FUT8: variants seen among roughly 807,000 people sequenced by gnomAD.
FUT8 encodes fucosyltransferase 8, also known as alpha-(1,6)-fucosyltransferase.
Under a neutral mutation model 71.3 loss-of-function variants are expected in FUT8, and 29 were observed. The observed-to-expected ratio is 0.41, with a 90% CI of 0.30 to 0.55. FUT8 has a LOEUF of 0.55. FUT8 is among the 20% of genes least tolerant of loss of function. The pLI is 0.34. For synonymous variants in FUT8, 254 were observed against 239.3 expected, an observed-to-expected ratio of 1.06 and a Z score of -0.57; for missense variants, 544 against 702.1, an observed-to-expected ratio of 0.77 and a Z score of 2.55.
At chr14:65,364,155 C>A in the FUT8 span, among the ~76,000 whole-genome samples, 1 of 152,146 alleles carries the variant, frequency 6.6e-6, no homozygotes, top group Non-Finnish European at 1.5e-5. Flanking sequence ...ATCTTTCCTA[C>A]CTCACAGGTT....
chr14:65,589,432 G>A (rs1384825844), intron 3 of FUT8, among the ~76,000 whole-genome samples: 1 of 142,836 alleles, frequency 7.0e-6, no homozygotes, highest in African/African-American at 2.6e-5. Context: ...CAAGGGCCTT[G>A]CCTTAAATCT....
rs1451861591 is a variant in FUT8, at chr14:65,627,823, C to T, written c.483-1669C>T. Among the ~76,000 whole-genome samples, 21 of 152,178 alleles carry T rather than the reference C, an allele frequency of 1.4e-4. No individual in the cohort carries two copies. Among genetic ancestry groups the T allele is most frequent in the East Asian group, 3.9e-4 (2 of 5,192 alleles). On this transcript the variant is annotated intron_variant, in intron 5 of 10. Coordinates refer to ENST00000673929, the MANE Select transcript of FUT8 (RefSeq NM_001371533.1). The surrounding 1 kb of genome is among the most constrained non-coding windows in gnomAD (Gnocchi z 4.0). The stretch of plus-strand genomic sequence containing the variant: ...GTTTTCTATCTATTTAGGAGACTGC[C>T]GTTCCCTGGCACCAGCTGTGACTAG...
At chr14:65,668,789 T>G (rs1280982522) in intron 6 of FUT8, among the ~76,000 whole-genome samples, 1 of 152,122 alleles carries the variant, frequency 6.6e-6, no homozygotes, top group African/African-American at 2.4e-5. Context: ...TAGATGCCCA[T>G]CAGTGGTAGA....
intron 2 of FUT8, among the ~76,000 whole-genome samples, chr14:65,527,553 TATCTC>T (rs1379441900): frequency 2.6e-5 from 4 of 152,206 alleles, no homozygotes; most frequent in African/African-American, 7.2e-5. Flanking sequence ...TGAAGCCTCT[TATCTC>T]AACTCATCAA....
At chr14:65,475,593 T>A (rs541614001) in intron 2 of FUT8, among the ~76,000 whole-genome samples, 1 of 152,070 alleles carries the variant, frequency 6.6e-6, no homozygotes, top group East Asian at 1.9e-4. Context: ...TTTAAAAAAA[T>A]TAGCCAAGCA....
chr14:65,470,826 C>T (rs754765389), intron 2 of FUT8, among the ~76,000 whole-genome samples: 14 of 151,960 alleles, frequency 9.2e-5, no homozygotes, highest in Non-Finnish European at 1.6e-4. Context: ...TGAAGCTCAG[C>T]CTCAGCTCTG....
At chr14:65,655,393 A>C (rs942476760) in intron 6 of FUT8, among the ~76,000 whole-genome samples, 2 of 150,892 alleles carry the variant, frequency 1.3e-5, no homozygotes, top group African/African-American at 4.9e-5. Context: ...GGAGAATGGC[A>C]TGAACCTGGG....
At chr14:65,562,453 A>T (rs910534616) in intron 3 of FUT8, among the ~76,000 whole-genome samples, 1 of 152,160 alleles carries the variant, frequency 6.6e-6, no homozygotes, top group African/African-American at 2.4e-5. Flanking sequence ...AATGTGACAT[A>T]TATCTATTAG....
At chr14:65,544,433 T>C (rs1037309713) in intron 2 of FUT8, among the ~76,000 whole-genome samples, 1 of 152,110 alleles carries the variant, frequency 6.6e-6, no homozygotes, top group African/African-American at 2.4e-5. Context: ...GCCAATCAAG[T>C]ATATATTATT....
chr14:65,476,137 T>G (rs2066235644), intron 2 of FUT8, among the ~76,000 whole-genome samples: 1 of 152,156 alleles, frequency 6.6e-6, no homozygotes, highest in African/African-American at 2.4e-5. Flanking sequence ...ATATTAGAAC[T>G]ACAACTCCAA....
chr14:65,637,998 T>A (rs1890647773), intron 6 of FUT8, among the ~76,000 whole-genome samples: 1 of 152,204 alleles, frequency 6.6e-6, no homozygotes, highest in Non-Finnish European at 1.5e-5. Flanking sequence ...TAATGTCATG[T>A]TAATGACATA....
intron 2 of FUT8, among the ~76,000 whole-genome samples, chr14:65,498,350 A>G (rs2066592401): frequency 6.6e-6 from 1 of 152,168 alleles, no homozygotes; most frequent in Non-Finnish European, 1.5e-5. Flanking sequence ...TTGCATTGGT[A>G]TCTTTAGCCC....
chr14:65,534,145 C>T (rs1414743341), intron 2 of FUT8, among the ~76,000 whole-genome samples: 1 of 151,486 alleles, frequency 6.6e-6, no homozygotes, highest in Non-Finnish European at 1.5e-5. Context: ...GTTTTTTGAG[C>T]CAGGGTCTCA....
At chr14:65,634,817 CTT>C (rs1391861804) in intron 6 of FUT8, among the ~76,000 whole-genome samples, 1 of 152,122 alleles carries the variant, frequency 6.6e-6, no homozygotes, top group African/African-American at 2.4e-5. Flanking sequence ...TATGCGGACT[CTT>C]TTTTGGTTCC....
chr14:65,693,450 G>A (rs1323726317), intron 7 of FUT8, among the ~76,000 whole-genome samples: 1 of 152,240 alleles, frequency 6.6e-6, no homozygotes, highest in African/African-American at 2.4e-5. Flanking sequence ...GAGCCGAGAC[G>A]GCGAGATGGC....
intron 5 of FUT8, among the ~76,000 whole-genome samples, chr14:65,623,880 A>C (rs1479432052): frequency 6.6e-6 from 1 of 152,106 alleles, no homozygotes; most frequent in Non-Finnish European, 1.5e-5. Flanking sequence ...ATGCCCACTT[A>C]TTAGATTTCT....
chr14:65,486,660 A>G (rs1479348716), intron 2 of FUT8, among the ~76,000 whole-genome samples: 3 of 152,216 alleles, frequency 2.0e-5, no homozygotes, highest in Non-Finnish European at 4.4e-5. Flanking sequence ...TTGAATAGAA[A>G]GAGTTGATTT....
chr14:65,382,269 C>T, the FUT8 span, among the ~76,000 whole-genome samples: 1 of 152,190 alleles, frequency 6.6e-6, no homozygotes, highest in South Asian at 2.1e-4. Flanking sequence ...CTGGATGCCT[C>T]TAAGAATTAT....
chr14:65,426,867 C>CT (rs1020744339), intron 1 of FUT8, among the ~76,000 whole-genome samples: 29 of 151,142 alleles, frequency 1.9e-4, no homozygotes, highest in African/African-American at 5.8e-4. Flanking sequence ...CATTTTCTTT[C>CT]TTTTTTTTTG....
Sources: allele counts gnomAD v4.1 joint callset (sites outside exome capture counted in the v4.1 genomes callset), GRCh38; gene constraint gnomAD v4.1.1; non-coding constraint Gnocchi (gnomAD v3.1); transcripts MANE v1.5; gene names NCBI Gene and HGNC (gene_info 2026-07-23, HGNC 2026-07-21).